Variants in CEP250 observed in about 807,000 individuals in gnomAD.
CEP250 encodes the protein centrosome-associated protein CEP250.
Under a neutral mutation model 315.7 loss-of-function variants are expected in CEP250, and 242 were observed. The ratio of observed to expected loss-of-function variants is 0.77; its 90% CI spans 0.69 to 0.85. CEP250 has a LOEUF of 0.85. Among genes scored for constraint, CEP250 ranks in the 40% least tolerant of loss-of-function variants. The pLI is 0.00. For missense variants in CEP250, 2,515 were observed against 2,886.4 expected (o/e 0.87, Z 2.95); for synonymous variants, 1,088 against 1,175.0 (o/e 0.93, Z 1.51).
chr20:35,472,819 C>CCAGGCTGTG lies in CEP250; in HGVS notation c.1202_1209+1dup. ...TGCGTTCAGTGCTGACTCGGAGACG[C>CCAGGCTGTG]CAGGCTGTGCAGGTAGGAACCCTCA... On this transcript the variant is annotated inframe_insertion, in exon 12 of 35. Coordinates refer to ENST00000397527, the MANE Select transcript of CEP250 (RefSeq NM_007186.6). The CCAGGCTGTG allele has an allele frequency of 6.2e-7, 1 of 1,614,140 alleles. No individual in the cohort carries two copies. Among genetic ancestry groups the CCAGGCTGTG allele is most frequent in the Non-Finnish European group, 8.5e-7 (1 of 1,180,020 alleles).
intron 23 of CEP250, among the ~76,000 whole-genome samples, chr20:35,493,925 A>T (rs2063765023): frequency 6.6e-6 from 1 of 152,188 alleles, no homozygotes; most frequent in South Asian, 2.1e-4. Flanking sequence ...TTTCATTTTT[A>T]AAAAAGCAAT....
Position 35,508,090 on chromosome 20 carries a change from G to A in CEP250, c.6806G>A (p.Arg2269Lys). 2 of 1,614,192 alleles carry A rather than the reference G, an allele frequency of 1.2e-6. No individual in the cohort carries two copies. Among genetic ancestry groups the A allele is most frequent in the Non-Finnish European group, 1.7e-6 (2 of 1,180,026 alleles). The stretch of plus-strand genomic sequence containing the variant: ...GATGGAATGGAGAAGCAGTCATGGA[G>A]ACAAAGGCTTGAACACCTGCAGCAA... ...SPDGMEKQSW[R>K]QRLEHLQQAV... Residue 2269 changes from arginine to lysine, a missense_variant, in exon 32 of 35, where the codon AGA becomes AAA. Arg to Lys is a conservative substitution (Grantham distance 26). Transcript: ENST00000397527.
At chr20:35,488,956 C>A (rs957493696) in intron 20 of CEP250, among the ~76,000 whole-genome samples, 3 of 151,940 alleles carry the variant, frequency 2.0e-5, no homozygotes, top group African/African-American at 7.3e-5. Flanking sequence ...GAGGCCTAAG[C>A]GGGCAGATCA....
intron 4 of CEP250, among the ~76,000 whole-genome samples, chr20:35,462,924 GCTAA>G (rs2062789159): frequency 6.6e-6 from 1 of 152,040 alleles, no homozygotes; most frequent in South Asian, 2.1e-4. Flanking sequence ...ACCACTTTTG[GCTAA>G]TATATCTCTT....
At chr20:35,486,932 T>C (rs1317183191) in intron 20 of CEP250, among the ~76,000 whole-genome samples, 1 of 152,236 alleles carries the variant, frequency 6.6e-6, no homozygotes, top group Non-Finnish European at 1.5e-5. Context: ...TTCTGAATGA[T>C]AAGCCAGCTA....
At chr20:35,464,214 G>T (rs1423003454) in intron 5 of CEP250, among the ~76,000 whole-genome samples, 1 of 152,218 alleles carries the variant, frequency 6.6e-6, no homozygotes, top group African/African-American at 2.4e-5. Context: ...TATGCATTCA[G>T]TATGTTCCTT....
chr20:35,504,526 C>T lies in CEP250; in HGVS notation c.6157C>T (p.His2053Tyr), dbSNP rs57577046. Residue 2053 changes from histidine (H) to tyrosine (Y), a missense_variant, in exon 30 of 35, where the codon CAT becomes TAT. Coordinates refer to ENST00000397527, the MANE Select transcript of CEP250 (RefSeq NM_007186.6). Reference sequence around the variant, plus strand: ...TGCCCAGAGGGATGAAGAGCTGAGACATCAGCAGGAACGGGAGCAGCTGCT... The same window carrying T: ...TGCCCAGAGGGATGAAGAGCTGAGATATCAGCAGGAACGGGAGCAGCTGCT... ...ALAQRDEELR[H>Y]QQEREQLLEK... 7.8e-4 allele frequency: 1,258 copies of T among 1,613,948 alleles called. 10 individuals are homozygous for T. The African/African-American group carries it at 0.013, about 16-fold the overall frequency.
At position 35,504,487 on chromosome 20, in the gene CEP250, C is replaced by T; in HGVS notation, c.6118C>T (p.Leu2040=). ...DLRYQEDVQQ[L]QQALAQRDEE... is the part of the protein sequence containing the mutation. Reference sequence around the variant, plus strand: ...CCGATACCAGGAGGATGTGCAGCAGCTGCAGCAGGCACTTGCCCAGAGGGA... The same window carrying T: ...CCGATACCAGGAGGATGTGCAGCAGTTGCAGCAGGCACTTGCCCAGAGGGA... The change falls in exon 30 of 35, where the codon CTG becomes TTG. Residue 2040 remains leucine (L), a synonymous_variant. Coordinates refer to ENST00000397527, the MANE Select transcript of CEP250 (RefSeq NM_007186.6). 1 of 1,613,712 alleles carries T rather than the reference C, an allele frequency of 6.2e-7. No homozygotes were observed.
Position 35,476,278 on chromosome 20 carries a change from T to G in CEP250, c.1717-171T>G, listed in dbSNP as rs190415979. On this transcript the variant is annotated intron_variant, in intron 15 of 34. Transcript: ENST00000397527. The stretch of plus-strand genomic sequence containing the variant: ...TTGGTATCTCTATACTGTGAGGTCC[T>G]GTCTCACTCCTTAATGAATGAATGA... 336 of 582,346 alleles carry G rather than the reference T, an allele frequency of 5.8e-4. 1 individual carries two copies. The highest frequency in any genetic ancestry group is 5.5e-3 in the African/African-American group (294 of 53,780). The allele number at this position is 582,346 out of a possible 1,614,324, so 36.1% of individuals were successfully genotyped here. A position where few individuals can be genotyped will look rare whatever the true frequency, so the allele number is the denominator to read the frequency against.
chr20:35,466,273 T>C, intron 7 of CEP250, 69 bp downstream of exon 7: 1 of 1,494,870 alleles, frequency 6.7e-7, no homozygotes, highest in Admixed American at 2.1e-5. Context: ...TGGTCAGTAC[T>C]GGAAGGAGTT....
Position 35,472,102 on chromosome 20 carries a change from C to T in CEP250, c.1001C>T (p.Ala334Val), listed in dbSNP as rs116166982. The T allele has an allele frequency of 3.4e-4, 546 of 1,613,314 alleles. 1 individual carries two copies. The African/African-American group carries it at 5.7e-3, about 17-fold the overall frequency. ...MEHEASLSRN[A>V]QEEKLSLQQV... Reference sequence around the variant, plus strand: ...CATGAAGCATCTCTTAGTAGGAATGCGCAAGAGGAGAAGTTGTCTTTACAG... The same window carrying T: ...CATGAAGCATCTCTTAGTAGGAATGTGCAAGAGGAGAAGTTGTCTTTACAG... Residue 334 changes from alanine (A) to valine (V), a missense_variant, in exon 11 of 35, where the codon GCG becomes GTG. Transcript: ENST00000397527.
chr20:35,490,664 G>T lies in CEP250; in HGVS notation c.2614G>T (p.Glu872Ter). ...WEKERSWHQQ[E>*]LAKALESLER... Reference sequence around the variant, plus strand: ...GAAGGAGCGCTCCTGGCACCAGCAGGAGCTGGCAAAGGCTCTGGAGAGCTT... The same window carrying T: ...GAAGGAGCGCTCCTGGCACCAGCAGTAGCTGGCAAAGGCTCTGGAGAGCTT... The change falls in exon 21 of 35, where the codon GAG (glutamate) becomes TAG (stop). Residue 872 changes from glutamate (E) to a stop codon, truncating the protein, a stop_gained. Transcript: ENST00000397527. LOFTEE classifies it high-confidence loss of function. 1 of 1,613,798 alleles carries T rather than the reference G, an allele frequency of 6.2e-7. No homozygotes were observed. The highest frequency in any genetic ancestry group is 1.1e-5 in the South Asian group (1 of 91,078).
chr20:35,463,362 C>A (rs892800560), intron 4 of CEP250, among the ~76,000 whole-genome samples: 1 of 152,210 alleles, frequency 6.6e-6, no homozygotes, highest in Non-Finnish European at 1.5e-5. Flanking sequence ...AAGATTGTGC[C>A]ACTGCACTCC....
Position 35,502,640 on chromosome 20 carries a change from C to G in CEP250, c.4271C>G (p.Ala1424Gly). The G allele has an allele frequency of 6.2e-7, 1 of 1,614,114 alleles. No individual in the cohort carries two copies. The change falls in exon 30 of 35, where the codon GCC becomes GGC. Residue 1424 changes from alanine to glycine, a missense_variant. Ala to Gly is a moderately conservative substitution (Grantham distance 60, BLOSUM62 0). Coordinates refer to ENST00000397527, the MANE Select transcript of CEP250 (RefSeq NM_007186.6). ...GGGAAGGCTCTGCAAGAGAATTTGG[C>G]CCTCCTGACCCAGACCCTAGCTGAA... ...AQGKALQENL[A>G]LLTQTLAERE...
chr20:35,503,678 GCCT>G lies in CEP250; in HGVS notation c.5316_5318del (p.Leu1773del), dbSNP rs769862422. On this transcript the variant is annotated inframe_deletion, in exon 30 of 35. Coordinates refer to ENST00000397527, the MANE Select transcript of CEP250 (RefSeq NM_007186.6). The surrounding 1 kb of genome is among the most constrained non-coding windows in gnomAD (Gnocchi z 4.2). ...CTGCACAGGAAGGTAGGTGAGACCA[GCCT>G]CCTCCTGTCCCAGCGAGAGCAGGAA... 2.5e-6 allele frequency: 4 copies of G among 1,614,090 alleles called. No individual in the cohort carries two copies. The highest frequency in any genetic ancestry group is 2.2e-5 in the East Asian group (1 of 44,884).
intron 2 of CEP250, among the ~76,000 whole-genome samples, chr20:35,458,868 A>C (rs756752394): frequency 1.7e-4 from 26 of 151,412 alleles, no homozygotes; most frequent in Non-Finnish European, 8.8e-5. Flanking sequence ...TTTTACAACA[A>C]TTTTAGGGTT....
chr20:35,503,209 C>T lies in CEP250; in HGVS notation c.4840C>T (p.Leu1614=). Residue 1614 remains leucine (L), a synonymous_variant, in exon 30 of 35, where the codon CTG becomes TTG. Coordinates refer to ENST00000397527, the MANE Select transcript of CEP250 (RefSeq NM_007186.6). This position sits in a 1 kb window ranked among gnomAD's most constrained non-coding sequence, Gnocchi z 4.2. ...GGCACAAAGCAGCCAGATCCATGACCTGGAGAGCCACAGCACCGTTCTGGC... is the reference window on the plus strand; with the variant it reads ...GGCACAAAGCAGCCAGATCCATGACTTGGAGAGCCACAGCACCGTTCTGGC... ...LQAQSSQIHD[L]ESHSTVLARE... 1 of 1,614,134 alleles carries T rather than the reference C, an allele frequency of 6.2e-7. No homozygotes were observed. Among genetic ancestry groups the T allele is most frequent in the South Asian group, 1.1e-5 (1 of 91,080 alleles).
rs755908068 is a variant in CEP250 at position 35,477,892 on chromosome 20, G to T, written c.1885G>T (p.Val629Leu). 2 of 1,590,844 alleles carry T rather than the reference G, an allele frequency of 1.3e-6. No individual in the cohort carries two copies. The highest frequency in any genetic ancestry group is 4.5e-5 in the East Asian group (2 of 44,274). The change falls in exon 17 of 35, where the codon GTG (valine) becomes TTG (leucine). Residue 629 changes from valine (V) to leucine (L), a missense_variant. Val to Leu is a conservative substitution (Grantham distance 32, BLOSUM62 1). Transcript: ENST00000397527. ...GTAGTTAGAGGAGGAGAACCAGTCT[G>T]TGTGCAGCAGAATGGAGGCCGCAGA... ...LLQLEEENQS[V>L]CSRMEAAEQA...
rs376842301 is a variant in CEP250, at chr20:35,473,406, G to C, written c.1242G>C (p.Glu414Asp). 5.9e-5 allele frequency: 96 copies of C among 1,613,934 alleles called. No homozygotes were observed. Among genetic ancestry groups the C allele is most frequent in the Non-Finnish European group, 7.2e-5 (85 of 1,179,966 alleles). The change falls in exon 13 of 35, where the codon GAG becomes GAC. Residue 414 changes from glutamate to aspartate, a missense_variant. By Grantham distance (45) the Glu-to-Asp change is conservative. Coordinates refer to ENST00000397527, the MANE Select transcript of CEP250 (RefSeq NM_007186.6). ...GGCAGCAGCTTGCAGGCTGTCAAGA[G>C]GCTGTGAACTTGTTGCAACAGCAGC... Reference protein sequence around the residue: ...DLRQQLAGCQEAVNLLQQQHD... With the variant: ...DLRQQLAGCQDAVNLLQQQHD...
Sources: gnomAD v4.1 joint callset for allele counts (sites outside exome capture counted in the v4.1 genomes callset) on GRCh38, gnomAD v4.1.1 for gene constraint, Gnocchi (gnomAD v3.1) non-coding constraint, MANE v1.5 for transcripts, NCBI Gene and HGNC (gene_info 2026-07-23, HGNC 2026-07-21) for gene names.